PDE3B: variants seen among roughly 807,000 people sequenced by gnomAD.
PDE3B encodes phosphodiesterase 3B.
In PDE3B, 66 loss-of-function variants were observed where a neutral mutation model predicts 116.8. The observed-to-expected ratio is 0.56, with a 90% CI of 0.46 to 0.69. The LOEUF is 0.69. PDE3B is among the 30% of genes least tolerant of loss of function. The pLI, the probability that PDE3B is intolerant of heterozygous loss-of-function variation, is 0.00. For missense variants in PDE3B, 1,384 were observed against 1,368.1 expected, an observed-to-expected ratio of 1.01 and a Z score of -0.18; for synonymous variants, 595 against 533.6, an observed-to-expected ratio of 1.12 and a Z score of -1.59.
At chr11:14,745,502 TA>T (rs1034938815) in intron 1 of PDE3B, among the ~76,000 whole-genome samples, 3 of 151,878 alleles carry the variant, frequency 2.0e-5, no homozygotes, top group Non-Finnish European at 2.9e-5. Context: ...TTTAGCTACA[TA>T]AAAAAAACTA....
chr11:14,690,438 A>G (rs1457406719), intron 1 of PDE3B, among the ~76,000 whole-genome samples: 1 of 152,178 alleles, frequency 6.6e-6, no homozygotes, highest in African/African-American at 2.4e-5. Flanking sequence ...AAGAGGTGAT[A>G]ACAAAAGTTA....
intron 1 of PDE3B, among the ~76,000 whole-genome samples, chr11:14,761,447 A>ACC (rs1857357541): frequency 6.6e-6 from 1 of 152,134 alleles, no homozygotes; most frequent in African/African-American, 2.4e-5. Context: ...TCAGTATTAT[A>ACC]TTATTCTCAG....
intron 5 of PDE3B, among the ~76,000 whole-genome samples, chr11:14,807,262 T>A (rs764785395): frequency 6.6e-6 from 1 of 151,924 alleles, no homozygotes; most frequent in Non-Finnish European, 1.5e-5. Context: ...ATAATAATAA[T>A]AAAAAAATTG....
chr11:14,776,697 A>G (rs1857798072), intron 2 of PDE3B: 1 of 151,812 alleles, frequency 6.6e-6, no homozygotes, highest in East Asian at 1.9e-4. Flanking sequence ...AGACACACCT[A>G]AATGATTGTG....
intron 2 of PDE3B, among the ~76,000 whole-genome samples, chr11:14,777,952 C>T (rs1197468575): frequency 6.6e-6 from 1 of 152,192 alleles, no homozygotes; most frequent in East Asian, 1.9e-4. Context: ...GCAACTCCCA[C>T]TGCGCTTTTC....
chr11:14,730,550 CATGAT>C (rs1236320191), intron 1 of PDE3B, among the ~76,000 whole-genome samples: 1 of 152,156 alleles, frequency 6.6e-6, no homozygotes, highest in Non-Finnish European at 1.5e-5. Context: ...TGGTTGGACA[CATGAT>C]ATTACTCTGG....
Position 14,812,573 on chromosome 11 carries a change from C to G in PDE3B, c.1523-5610C>G, listed in dbSNP as rs559397197. Among the ~76,000 whole-genome samples, 31 of 151,866 alleles carry G rather than the reference C, an allele frequency of 2.0e-4. No individual in the cohort carries two copies. In the South Asian group the frequency reaches 6.3e-3, roughly 31 times the overall value. On this transcript the variant is annotated intron_variant, in intron 5 of 15. Coordinates refer to ENST00000282096, the MANE Select transcript of PDE3B (RefSeq NM_000922.4). ...CTATAAGTTTCACAGCAAAGTAAAC[C>G]AAAAGAAAGAAGAAAACATGACACT... is the stretch of plus-strand genomic sequence containing the variant.
chr11:14,845,588 T>G (rs1359052812), intron 12 of PDE3B, among the ~76,000 whole-genome samples: 2 of 152,060 alleles, frequency 1.3e-5, no homozygotes, highest in South Asian at 4.1e-4. Context: ...TTGAAAACTT[T>G]GAAAAAAATT....
At chr11:14,847,948 A>C (rs1456268179) in intron 12 of PDE3B, among the ~76,000 whole-genome samples, 1 of 152,180 alleles carries the variant, frequency 6.6e-6, no homozygotes, top group Non-Finnish European at 1.5e-5. Context: ...AAACTATTCC[A>C]ATCAATAGAA....
rs1848057552 is a variant in PDE3B, at chr11:14,866,914, A to G, written c.2887-592A>G. Among the ~76,000 whole-genome samples the G allele has an allele frequency of 2.0e-5, 3 of 152,180 alleles. No individual in the cohort carries two copies. In the South Asian group the frequency reaches 6.2e-4, roughly 32 times the overall value. ...CACACAGGTAGTAGTCTGATCTCAA[A>G]TTAAGCCCTAGAAGCCACAGTGGGA... On this transcript the variant is annotated intron_variant, in intron 14 of 15. Coordinates refer to ENST00000282096, the MANE Select transcript of PDE3B (RefSeq NM_000922.4).
At position 14,843,901 on chromosome 11, in the gene PDE3B, T is replaced by C; in HGVS notation, c.2395T>C (p.Tyr799His). 6.2e-7 allele frequency: 1 copy of C among 1,614,120 alleles called. No individual in the cohort carries two copies. The highest frequency in any genetic ancestry group is 8.5e-7 in the Non-Finnish European group (1 of 1,179,950). ...SKSCSNPDES[Y>H]GCLSSNIPAL... ...GAGCTGCTCTAATCCTGATGAGAGT[T>C]ATGGCTGCCTGTCTTCAAACATTCC... The change falls in exon 12 of 16, where the codon TAT becomes CAT. Residue 799 changes from tyrosine (Y) to histidine (H), a missense_variant. Tyr to His is a moderately conservative substitution (Grantham distance 83). Around this residue, in one of 2 missense-constraint regions of PDE3B, gnomAD observed 428 missense variants for 561.4 expected, o/e 0.76. Transcript: ENST00000282096.
chr11:14,827,284 C>G (rs1366546949), intron 7 of PDE3B, among the ~76,000 whole-genome samples: 1 of 152,120 alleles, frequency 6.6e-6, no homozygotes, highest in East Asian at 1.9e-4. Context: ...TCTCTCACCA[C>G]TCCTATTTAA....
At chr11:14,847,018 C>G (rs1384992029) in intron 12 of PDE3B, among the ~76,000 whole-genome samples, 1 of 152,162 alleles carries the variant, frequency 6.6e-6, no homozygotes, top group African/African-American at 2.4e-5. Flanking sequence ...ACTCTCCACC[C>G]CAAATCAACA....
the PDE3B span, among the ~76,000 whole-genome samples, chr11:14,881,836 C>A: frequency 6.6e-6 from 1 of 151,720 alleles, no homozygotes; most frequent in Non-Finnish European, 1.5e-5. Flanking sequence ...ATAAAGTGTG[C>A]AGAACCATGA....
At chr11:14,727,427 G>A (rs903000968) in intron 1 of PDE3B, among the ~76,000 whole-genome samples, 5 of 152,088 alleles carry the variant, frequency 3.3e-5, no homozygotes, top group African/African-American at 1.2e-4. Context: ...AGATCATATA[G>A]TTCATAAGTG....
rs771832751 is a variant in PDE3B at position 14,645,006 on chromosome 11, T to A, written c.931T>A (p.Cys311Ser). 11 of 1,613,350 alleles carry A rather than the reference T, an allele frequency of 6.8e-6. No individual in the cohort carries two copies. The highest frequency in any genetic ancestry group is 2.7e-5 in the African/African-American group (2 of 74,994). The change falls in exon 1 of 16, where the codon TGC (cysteine) becomes AGC (serine). Residue 311 changes from cysteine to serine, a missense_variant. Physicochemically the swap from Cys to Ser is moderately radical, Grantham distance 112. Transcript: ENST00000282096. ...GETAASYYGS[C>S]KIFRRPSLPC... Reference sequence around the variant, plus strand: ...AACTGCAGCCAGTTACTATGGCAGTTGCAAAATATTCAGGAGACCGTCGTT... The same window carrying A: ...AACTGCAGCCAGTTACTATGGCAGTAGCAAAATATTCAGGAGACCGTCGTT...
Position 14,644,601 on chromosome 11 carries a change from T to TG in PDE3B, c.532dup (p.Asp178GlyfsTer162), listed in dbSNP as rs1565069122. On this transcript the variant is annotated frameshift_variant, in exon 1 of 16. Coordinates refer to ENST00000282096, the MANE Select transcript of PDE3B (RefSeq NM_000922.4). LOFTEE classifies it high-confidence loss of function. ...GGTGTGGCAGTGGTGGTCTTGGCCT[T>TG]GGGGGGATGGCGACGCAGGGTCCGC... The TG allele has an allele frequency of 1.9e-6, 3 of 1,554,096 alleles. No homozygotes were observed. The highest frequency in any genetic ancestry group is 2.6e-6 in the Non-Finnish European group (3 of 1,152,392).
intron 1 of PDE3B, among the ~76,000 whole-genome samples, chr11:14,735,958 T>TTGTGTGGGTG (rs1856584949): frequency 4.9e-5 from 7 of 142,926 alleles, no homozygotes. Flanking sequence ...GAATAATAGG[T>TTGTGTGGGTG]TGTGTGTGTG....
chr11:14,812,424 G>A (rs959544817), intron 5 of PDE3B, among the ~76,000 whole-genome samples: 2 of 152,158 alleles, frequency 1.3e-5, no homozygotes, highest in African/African-American at 4.8e-5. Flanking sequence ...AATATTTTGA[G>A]CTGAATAATA....
Sources: gnomAD v4.1 joint callset for allele counts (sites outside exome capture counted in the v4.1 genomes callset) on GRCh38, gnomAD v4.1.1 for gene constraint, gnomAD v4.1.1 regional missense constraint, MANE v1.5 for transcripts, NCBI Gene and HGNC (gene_info 2026-07-23, HGNC 2026-07-21) for gene names.